The following NF1 variants were observed in gnomAD, a reference collection of about 807,000 sequenced individuals.
NF1 encodes neurofibromin 1, also known as neurofibromin.
NF1 carries 122 observed loss-of-function variants against 325.7 expected under a neutral mutation model. The observed-to-expected ratio is 0.37, with a 90% CI of 0.32 to 0.44. The LOEUF (loss-of-function observed/expected upper bound fraction) is 0.44, where lower values mean the gene tolerates loss of function less well. Among genes scored for constraint, NF1 ranks in the 20% least tolerant of loss-of-function variants. NF1 has a pLI of 1.00. For synonymous variants in NF1, 1,091 were observed against 1,186.0 expected, an observed-to-expected ratio of 0.92 and a Z score of 1.65; for missense variants, 2,140 against 3,415.4, an observed-to-expected ratio of 0.63 and a Z score of 9.31.
rs2151541330 is a variant in NF1, at chr17:31,327,660, C to T, written c.5430C>T (p.Leu1810=). The T allele has an allele frequency of 6.2e-7, 1 of 1,614,160 alleles. No individual in the cohort carries two copies. Among genetic ancestry groups the T allele is most frequent in the Non-Finnish European group, 8.5e-7 (1 of 1,180,032 alleles). Reference sequence around the variant, plus strand: ...CCATTGCAAACCAGGGCACGCCGCTCACCTTCATGCACCAGGAGTGTGAAG... The same window carrying T: ...CCATTGCAAACCAGGGCACGCCGCTTACCTTCATGCACCAGGAGTGTGAAG... ...TLTIANQGTP[L]TFMHQECEAI... The change falls in exon 38 of 58, where the codon CTC becomes CTT. Residue 1810 remains leucine, a synonymous_variant. Transcript: ENST00000358273.
At chr17:31,316,526 T>G (rs1166802470) in intron 36 of NF1, among the ~76,000 whole-genome samples, 2 of 152,212 alleles carry the variant, frequency 1.3e-5, no homozygotes, top group Non-Finnish European at 2.9e-5. Flanking sequence ...GATATTAATT[T>G]CTTTTAATTT....
intron 5 of NF1, among the ~76,000 whole-genome samples, chr17:31,170,486 G>T (rs1197220303): frequency 6.6e-6 from 1 of 152,192 alleles, no homozygotes; most frequent in Non-Finnish European, 1.5e-5. Context: ...TCTACTGACT[G>T]ACTTTATAGC....
At chr17:31,141,021 T>C (rs552762272) in intron 1 of NF1, among the ~76,000 whole-genome samples, 177 of 152,338 alleles carry the variant, frequency 1.2e-3, no homozygotes, top group Non-Finnish European at 2.1e-3. Flanking sequence ...GGAGAGCTTA[T>C]GTATAACATG....
intron 12 of NF1, among the ~76,000 whole-genome samples, chr17:31,211,507 A>G (rs1167072877): frequency 6.6e-6 from 1 of 152,196 alleles, no homozygotes; most frequent in Non-Finnish European, 1.5e-5. Flanking sequence ...GTCTTGAGAA[A>G]TGAGTGCATC....
In NF1 at chr17:31,110,267, A is replaced by C. The variant is rs149929088; in HGVS notation, c.60+14898A>C. ...AAATCAATACTAAAAAAAATATTGG[A>C]GAGCTATGGATGTAATGAGGACTAG... On this transcript the variant is annotated intron_variant, in intron 1 of 57. Transcript: ENST00000358273. Among the ~76,000 whole-genome samples the C allele has an allele frequency of 9.7e-3, 1,483 of 152,296 alleles. 17 individuals are homozygous for C. Among genetic ancestry groups the C allele is most frequent in the Non-Finnish European group, 0.016 (1,067 of 68,028 alleles).
Position 31,335,045 on chromosome 17 carries a change from T to C in NF1, c.6006+14T>C. 1 of 1,604,552 alleles carries C rather than the reference T, an allele frequency of 6.2e-7. No individual in the cohort carries two copies. Among genetic ancestry groups the C allele is most frequent in the Non-Finnish European group, 8.5e-7 (1 of 1,174,192 alleles). Reference sequence around the variant, plus strand: ...AGCCTTGGGCAGGTATTGAGTTTGCTCAAATATTTATCTAGTATCTCCTTT... The same window carrying C: ...AGCCTTGGGCAGGTATTGAGTTTGCCCAAATATTTATCTAGTATCTCCTTT... On this transcript the variant is annotated intron_variant, in intron 40 of 57. Coordinates refer to ENST00000358273, the MANE Select transcript of NF1 (RefSeq NM_001042492.3).
chr17:31,260,800 T>G (rs1224145136), intron 34 of NF1, among the ~76,000 whole-genome samples: 2 of 152,208 alleles, frequency 1.3e-5, no homozygotes, highest in Non-Finnish European at 2.9e-5. Context: ...CAGATTGTTA[T>G]AGATCCAAAG....
At chr17:31,365,272 C>A in intron 57 of NF1, among the ~76,000 whole-genome samples, 1 of 54,238 alleles carries the variant, frequency 1.8e-5, no homozygotes, top group East Asian at 5.3e-4. Context: ...GATTGAGAAC[C>A]TATCTCAAAA....
chr17:31,139,357 T>C (rs1277987583), intron 1 of NF1, among the ~76,000 whole-genome samples: 1 of 144,492 alleles, frequency 6.9e-6, no homozygotes, highest in Admixed American at 7.1e-5. Context: ...TACTCTTAGA[T>C]CTTAAATGTT....
At chr17:31,201,627 G>T in intron 11 of NF1, 142 bp downstream of exon 11, 1 of 664,804 alleles carries the variant, frequency 1.5e-6, no homozygotes, top group South Asian at 1.8e-5. Flanking sequence ...TCTCCATGGT[G>T]ATTCTATTTG....
chr17:31,226,406 A>G (rs540638438), intron 17 of NF1, 29 bp from the exon 18 acceptor site: 143 of 1,611,442 alleles, frequency 8.9e-5, no homozygotes, highest in Non-Finnish European at 1.2e-4. Flanking sequence ...CCAAGTTGCA[A>G]ATATATGTCT....
Position 31,225,190 on chromosome 17 carries a change from T to A in NF1, c.1941T>A (p.His647Gln), listed in dbSNP as rs1397958327. The change falls in exon 17 of 58, where the codon CAT (histidine) becomes CAA (glutamine). Residue 647 changes from histidine (H) to glutamine (Q), a missense_variant. Physicochemically the swap from His to Gln is conservative, Grantham distance 24. This residue lies in a region of NF1 where 45 missense variants were observed against 42.5 expected (regional missense o/e 1.06). Transcript: ENST00000358273. ...SGNTSQMSMDHEELLRTPGAS... is the reference protein window; with the variant it reads ...SGNTSQMSMDQEELLRTPGAS... ...ATACCAGTCAAATGTCCATGGATCA[T>A]GAAGAATTACTACGTACTCCTGGAG... The A allele has an allele frequency of 6.2e-7, 1 of 1,613,890 alleles. No homozygotes were observed. Among genetic ancestry groups the A allele is most frequent in the Non-Finnish European group, 8.5e-7 (1 of 1,179,808 alleles).
At chr17:31,271,238 G>GT (rs892604936) in intron 36 of NF1, among the ~76,000 whole-genome samples, 1 of 152,146 alleles carries the variant, frequency 6.6e-6, no homozygotes, top group Non-Finnish European at 1.5e-5. Context: ...TTTACAAATG[G>GT]TTTTTTGAAA....
intron 36 of NF1, among the ~76,000 whole-genome samples, chr17:31,324,347 G>A (rs778353900): frequency 1.2e-4 from 19 of 152,268 alleles, no homozygotes; most frequent in South Asian, 2.1e-4. Context: ...GATTGCAGGC[G>A]TGAGCCACCA....
chr17:31,200,783 A>G lies in NF1; in HGVS notation c.1062+188A>G, dbSNP rs572949773. 7.4e-4 allele frequency among the ~76,000 whole-genome samples: 113 copies of G among 152,322 alleles called. 1 individual carries two copies. Among genetic ancestry groups the G allele is most frequent in the Admixed American group, 1.2e-3 (19 of 15,296 alleles). ...GGACTGAGAATATGAAGAAAACACC[A>G]TTTTCTTAAATAAGCATAAATATAC... On this transcript the variant is annotated intron_variant, in intron 9 of 57. Transcript: ENST00000358273.
intron 2 of NF1, among the ~76,000 whole-genome samples, chr17:31,157,260 A>G (rs1367608978): frequency 6.6e-6 from 1 of 152,148 alleles, no homozygotes; most frequent in Non-Finnish European, 1.5e-5. Context: ...AAGTGCTGAG[A>G]TTACAGGTGT....
intron 31 of NF1, chr17:31,253,585 AATG>A (rs1242796937): frequency 2.0e-5 from 3 of 152,972 alleles, no homozygotes; most frequent in Non-Finnish European, 4.4e-5. Flanking sequence ...ATAAGAGGTA[AATG>A]ATAAGATAGT....
chr17:31,336,530 GTTTT>G lies in NF1; in HGVS notation c.6147+60_6147+63del. 6.2e-7 allele frequency: 1 copy of G among 1,608,704 alleles called. No individual in the cohort carries two copies. The highest frequency in any genetic ancestry group is 2.2e-5 in the East Asian group (1 of 44,742). On this transcript the variant is annotated intron_variant, in intron 41 of 57. Transcript: ENST00000358273. This position sits in a 1 kb window ranked among gnomAD's most constrained non-coding sequence, Gnocchi z 5.5. ...AGCATATCTGTTTTATCATCAGGAG[GTTTT>G]TTGTTTTGTAATTACTTTTAAATTA...
rs778536665 is a variant in NF1, at chr17:31,235,898, C to A, written c.3871-20C>A. 3.7e-6 allele frequency: 6 copies of A among 1,609,688 alleles called. No homozygotes were observed. Among genetic ancestry groups the A allele is most frequent in the Non-Finnish European group, 5.1e-6 (6 of 1,176,116 alleles). The stretch of plus-strand genomic sequence containing the variant: ...TATATGGAGCAGGTATAATAAACTC[C>A]TATTCGTGCATTTCTGTAGGTATAT... On this transcript the variant is annotated intron_variant, in intron 28 of 57. Transcript: ENST00000358273.
Sources: allele counts gnomAD v4.1 joint callset (sites outside exome capture counted in the v4.1 genomes callset), GRCh38; gene constraint gnomAD v4.1.1; regional missense constraint gnomAD v4.1.1; non-coding constraint Gnocchi (gnomAD v3.1); transcripts MANE v1.5; gene names NCBI Gene and HGNC (gene_info 2026-07-23, HGNC 2026-07-21).